SAXO1: variants seen among roughly 807,000 people sequenced by gnomAD.
SAXO1 encodes the protein stabilizer of axonemal microtubules 1.
SAXO1 carries 21 observed loss-of-function variants against 17.5 expected under a neutral mutation model. The observed-to-expected ratio is 1.20, with a 90% confidence interval of 0.85 to 1.72. The LOEUF is 1.72. Among genes scored for constraint, SAXO1 ranks in the 40% most tolerant of loss-of-function variants. The pLI is 0.00. For synonymous variants in SAXO1, 274 were observed against 216.5 expected (o/e 1.27, Z -2.33); for missense variants, 843 against 596.0 (o/e 1.41, Z -4.32).
At chr9:19,020,159 C>T (rs1206192144) in intron 1 of SAXO1, among the ~76,000 whole-genome samples, 2 of 152,142 alleles carry the variant, frequency 1.3e-5, no homozygotes, top group African/African-American at 2.4e-5. Context: ...ACATCATACC[C>T]TCAGATCACA....
chr9:19,016,102 A>G lies in SAXO1; in HGVS notation c.38+16769T>C, dbSNP rs564744736. On this transcript the variant is annotated intron_variant, in intron 1 of 3. Coordinates refer to ENST00000380534, the MANE Select transcript of SAXO1 (RefSeq NM_153707.4). ...GTCCCTCTCCAAGGACAATAATATA[A>G]GATCCATTCCTGTGATAAAGCCATT... Among the ~76,000 whole-genome samples the G allele has an allele frequency of 6.6e-5, 10 of 152,310 alleles. No individual in the cohort carries two copies. In the South Asian group the frequency reaches 1.9e-3, roughly 28 times the overall value.
At chr9:18,937,985 C>CAT (rs1831369741) in intron 3 of SAXO1, among the ~76,000 whole-genome samples, 2 of 152,154 alleles carry the variant, frequency 1.3e-5, no homozygotes, top group South Asian at 4.1e-4. Flanking sequence ...CCTTTAGCTA[C>CAT]ATACTGATTT....
chr9:18,958,040 A>T (rs1415788547), intron 1 of SAXO1, among the ~76,000 whole-genome samples: 1 of 152,216 alleles, frequency 6.6e-6, no homozygotes, highest in Non-Finnish European at 1.5e-5. Flanking sequence ...TCGTCTGTAG[A>T]GATCTTTAAA....
intron 1 of SAXO1, among the ~76,000 whole-genome samples, chr9:18,977,131 C>G (rs1563957334): frequency 6.6e-6 from 1 of 152,204 alleles, no homozygotes; most frequent in Admixed American, 6.5e-5. Flanking sequence ...GTTGCCTTCT[C>G]TTATAAACTG....
At chr9:18,930,129 G>A (rs1830976529) in intron 3 of SAXO1, among the ~76,000 whole-genome samples, 1 of 152,154 alleles carries the variant, frequency 6.6e-6, no homozygotes, top group Non-Finnish European at 1.5e-5. Flanking sequence ...ACACTTAGGG[G>A]CATTTTATTT....
At chr9:19,003,594 T>C (rs1347459680) in intron 1 of SAXO1, among the ~76,000 whole-genome samples, 1 of 152,064 alleles carries the variant, frequency 6.6e-6, no homozygotes, top group East Asian at 1.9e-4. Flanking sequence ...ACACTACACA[T>C]CTACAACCAT....
At chr9:18,931,567 GC>G (rs1429668679) in intron 3 of SAXO1, among the ~76,000 whole-genome samples, 4 of 152,098 alleles carry the variant, frequency 2.6e-5, no homozygotes, top group African/African-American at 9.7e-5. Context: ...TCTATCTTTA[GC>G]TTTTTAAAAA....
At position 19,005,419 on chromosome 9, in the gene SAXO1, A is replaced by C. The variant is rs79361988; in HGVS notation, c.38+27452T>G. 6.2e-4 allele frequency among the ~76,000 whole-genome samples: 94 copies of C among 152,346 alleles called. 2 individuals are homozygous for C. In the East Asian group the frequency reaches 0.018, roughly 29 times the overall value. ...GTAATCAAAACAGTATGATACTAGC[A>C]TAAGGACAGACATATAGACCAGTGG... On this transcript the variant is annotated intron_variant, in intron 1 of 3. Coordinates refer to ENST00000380534, the MANE Select transcript of SAXO1 (RefSeq NM_153707.4).
At chr9:19,026,524 C>A (rs1335685291) in intron 1 of SAXO1, among the ~76,000 whole-genome samples, 3 of 152,180 alleles carry the variant, frequency 2.0e-5, no homozygotes, top group Admixed American at 2.0e-4. Flanking sequence ...CCCACTCCCC[C>A]ACCTAACCAC....
At chr9:18,966,915 G>C (rs910824033) in intron 1 of SAXO1, among the ~76,000 whole-genome samples, 2 of 152,112 alleles carry the variant, frequency 1.3e-5, no homozygotes, top group Admixed American at 1.3e-4. Flanking sequence ...GGTGACCTTT[G>C]GATGGAGTTT....
intron 3 of SAXO1, among the ~76,000 whole-genome samples, chr9:18,939,476 G>A (rs1831455220): frequency 6.6e-6 from 1 of 152,252 alleles, no homozygotes; most frequent in African/African-American, 2.4e-5. Flanking sequence ...GGGAGTGCAA[G>A]GCACCCATAT....
chr9:18,931,332 T>G (rs552861399), intron 3 of SAXO1, among the ~76,000 whole-genome samples: 7 of 152,336 alleles, frequency 4.6e-5, no homozygotes, highest in Admixed American at 1.3e-4. Flanking sequence ...TCATCCATAA[T>G]GTAGCCTGTA....
chr9:19,019,976 AT>A (rs1250382042), intron 1 of SAXO1, among the ~76,000 whole-genome samples: 3 of 151,662 alleles, frequency 2.0e-5, no homozygotes, highest in Non-Finnish European at 4.4e-5. Flanking sequence ...CACTTTCAGA[AT>A]GCATTCCATA....
chr9:18,930,500 C>CTTTT (rs55974011), intron 3 of SAXO1, among the ~76,000 whole-genome samples: 2 of 146,354 alleles, frequency 1.4e-5, no homozygotes, highest in African/African-American at 2.5e-5. Context: ...ACTGCTGGAA[C>CTTTT]TTTTTTTTTT....
At chr9:18,947,945 T>G (rs957176071) in intron 2 of SAXO1, among the ~76,000 whole-genome samples, 2 of 152,184 alleles carry the variant, frequency 1.3e-5, no homozygotes, top group African/African-American at 2.4e-5. Flanking sequence ...AGCAAAGCCC[T>G]GGACCACGTG....
intron 1 of SAXO1, among the ~76,000 whole-genome samples, chr9:18,999,006 A>G (rs1834133080): frequency 6.6e-6 from 1 of 152,264 alleles, no homozygotes; most frequent in African/African-American, 2.4e-5. Context: ...AAAACATGCC[A>G]AATGGTAAAG....
intron 2 of SAXO1, among the ~76,000 whole-genome samples, chr9:18,946,554 A>G (rs1831806871): frequency 6.6e-6 from 1 of 152,086 alleles, no homozygotes. Flanking sequence ...AACACTTTTT[A>G]GAGGAATGCA....
chr9:18,936,998 C>T (rs1212456651), intron 3 of SAXO1, among the ~76,000 whole-genome samples: 1 of 152,196 alleles, frequency 6.6e-6, no homozygotes, highest in African/African-American at 2.4e-5. Flanking sequence ...ATGGCACCCA[C>T]TGAAACATGT....
At chr9:19,012,594 G>A (rs1184548474) in intron 1 of SAXO1, among the ~76,000 whole-genome samples, 1 of 152,214 alleles carries the variant, frequency 6.6e-6, no homozygotes, top group African/African-American at 2.4e-5. Flanking sequence ...GGATAAGGAG[G>A]CCTGGCAGAG....
Sources: allele counts gnomAD v4.1 joint callset (sites outside exome capture counted in the v4.1 genomes callset), GRCh38; gene constraint gnomAD v4.1.1; transcripts MANE v1.5; gene names NCBI Gene and HGNC (gene_info 2026-07-23, HGNC 2026-07-21).